Variants in GSK3B observed in about 807,000 individuals in gnomAD.
GSK3B encodes the protein glycogen synthase kinase 3 beta.
GSK3B carries 15 observed loss-of-function variants against 56.4 expected under a neutral mutation model. The observed-to-expected ratio is 0.27, with a 90% confidence interval of 0.18 to 0.41. The LOEUF (loss-of-function observed/expected upper bound fraction) is 0.41. GSK3B is among the 10% of genes least tolerant of loss of function. The probability of loss-of-function intolerance (pLI) is 1.00; values close to 1 mark genes in which losing one functional copy is unlikely to be tolerated. For synonymous variants in GSK3B, 181 were observed against 188.9 expected (o/e 0.96, Z 0.34); for missense variants, 300 against 513.4 (o/e 0.58, Z 4.02).
chr3:119,824,637 T>TA lies in GSK3B; in HGVS notation c.*2150dup. ...ACCTTTAAGGAGTTATGCTGCCAAA[T>TA]ACTTTGATTTCAGACTTCTTTCAAA... On this transcript the variant is annotated 3_prime_UTR_variant, in exon 11 of 11. Transcript: ENST00000264235. The TA allele has an allele frequency of 5.0e-6, 1 of 199,720 alleles. No individual in the cohort carries two copies. The highest frequency in any genetic ancestry group is 1.0e-5 in the Non-Finnish European group (1 of 96,506). 12.4% of individuals were successfully genotyped at this position (199,720 alleles called of 1,614,324 possible).
chr3:119,937,437 G>A (rs2057006629), intron 3 of GSK3B, among the ~76,000 whole-genome samples: 1 of 152,074 alleles, frequency 6.6e-6, no homozygotes, highest in Admixed American at 6.5e-5. Context: ...ACCACAAGTG[G>A]AGGCAGCCTG....
intron 1 of GSK3B, among the ~76,000 whole-genome samples, chr3:120,062,035 T>C (rs1311270893): frequency 6.6e-6 from 1 of 152,146 alleles, no homozygotes; most frequent in East Asian, 1.9e-4. Flanking sequence ...TCCGGCCATA[T>C]ATGAATTTAT....
At chr3:120,088,924 C>T (rs2058488321) in intron 1 of GSK3B, among the ~76,000 whole-genome samples, 1 of 152,232 alleles carries the variant, frequency 6.6e-6, no homozygotes, top group South Asian at 2.1e-4. Flanking sequence ...ATAGGGTCAA[C>T]ATATGCATGT....
chr3:120,061,328 A>T (rs1295226006), intron 1 of GSK3B, among the ~76,000 whole-genome samples: 1 of 152,250 alleles, frequency 6.6e-6, no homozygotes, highest in African/African-American at 2.4e-5. Flanking sequence ...GAATAACGGG[A>T]TTATAATTTA....
chr3:119,862,363 G>A (rs1255571574), intron 9 of GSK3B, among the ~76,000 whole-genome samples: 4 of 115,880 alleles, frequency 3.5e-5, no homozygotes, highest in African/African-American at 1.3e-4. Context: ...ATCACACTCT[G>A]GGGACTGTGG....
chr3:119,990,867 G>A (rs369147753), intron 2 of GSK3B, among the ~76,000 whole-genome samples: 21 of 152,312 alleles, frequency 1.4e-4, no homozygotes, highest in African/African-American at 5.1e-4. Context: ...GGCGGAGGTT[G>A]CAGTGAGACA....
In GSK3B at chr3:120,093,937, C is replaced by A; in HGVS notation, c.-503G>T. The A allele has an allele frequency of 4.7e-6, 1 of 211,398 alleles. No homozygotes were observed. The highest frequency in any genetic ancestry group is 9.6e-6 in the Non-Finnish European group (1 of 103,720). The allele number at this position is 211,398 out of a possible 1,614,324, so 13.1% of individuals were successfully genotyped here. On this transcript the variant is annotated 5_prime_UTR_variant, in exon 1 of 11. Coordinates refer to ENST00000264235, the MANE Select transcript of GSK3B (RefSeq NM_001146156.2). ...GGAGGGAGGGGGTGGCTCGGAGATG[C>A]GACGGGAAACGCTGCAGCTCCGGCA...
intron 10 of GSK3B, among the ~76,000 whole-genome samples, chr3:119,828,869 C>T (rs373570755): frequency 6.6e-6 from 1 of 152,184 alleles, no homozygotes; most frequent in Non-Finnish European, 1.5e-5. Context: ...ATAGCTAAAG[C>T]TGCTTCTAAT....
chr3:120,024,349 T>C (rs2057905798), intron 1 of GSK3B, among the ~76,000 whole-genome samples: 1 of 151,952 alleles, frequency 6.6e-6, no homozygotes, highest in African/African-American at 2.4e-5. Flanking sequence ...CAAGACCCTG[T>C]CTCAAAAAAA....
chr3:120,001,677 G>A (rs1190878099), intron 2 of GSK3B, among the ~76,000 whole-genome samples: 1 of 152,152 alleles, frequency 6.6e-6, no homozygotes, highest in Non-Finnish European at 1.5e-5. Flanking sequence ...AGGAAGCATA[G>A]TCAAATACAT....
At chr3:119,896,032 G>GT (rs895258408) in intron 7 of GSK3B, among the ~76,000 whole-genome samples, 1 of 151,654 alleles carries the variant, frequency 6.6e-6, no homozygotes, top group African/African-American at 2.4e-5. Context: ...GGAGGCTAAG[G>GT]TGGGAGGACA....
intron 1 of GSK3B, among the ~76,000 whole-genome samples, chr3:120,006,848 A>G (rs939217446): frequency 2.6e-5 from 4 of 152,184 alleles, no homozygotes; most frequent in Non-Finnish European, 4.4e-5. Flanking sequence ...ATCACAATTA[A>G]AAGAACTAGA....
intron 1 of GSK3B, among the ~76,000 whole-genome samples, chr3:120,045,098 A>G (rs2058092306): frequency 6.6e-6 from 1 of 152,226 alleles, no homozygotes; most frequent in Admixed American, 6.5e-5. Context: ...TTATAAAAAC[A>G]GCACTTACTA....
intron 1 of GSK3B, among the ~76,000 whole-genome samples, chr3:120,013,065 C>T (rs1021672021): frequency 6.6e-6 from 1 of 152,080 alleles, no homozygotes; most frequent in Non-Finnish European, 1.5e-5. Context: ...TCTCAATCTC[C>T]TAAAAACAGG....
At chr3:120,037,150 CA>C (rs1369401994) in intron 1 of GSK3B, among the ~76,000 whole-genome samples, 3 of 152,040 alleles carry the variant, frequency 2.0e-5, no homozygotes, top group African/African-American at 7.2e-5. Flanking sequence ...TTGAAACAAA[CA>C]AAAAAATTGC....
chr3:119,823,150 GT>G lies in GSK3B; in HGVS notation c.*3637del. On this transcript the variant is annotated 3_prime_UTR_variant, in exon 11 of 11. Transcript: ENST00000264235. ...AAAAATAGTAACCTTTGGTTTGGTA[GT>G]TTTTTCTTCTATTCAAGACATTTTA... The G allele has an allele frequency of 4.3e-6, 1 of 229,900 alleles. No homozygotes were observed. Among genetic ancestry groups the G allele is most frequent in the Non-Finnish European group, 8.6e-6 (1 of 115,968 alleles). The allele number at this position is 229,900 out of a possible 1,614,324, so 14.2% of individuals were successfully genotyped here.
intron 2 of GSK3B, among the ~76,000 whole-genome samples, chr3:119,970,469 G>A (rs1182872888): frequency 2.6e-5 from 4 of 151,894 alleles, no homozygotes; most frequent in Non-Finnish European, 5.9e-5. Flanking sequence ...CTGCTGGTGA[G>A]AATAAAAAAC....
At chr3:120,028,870 G>A in intron 1 of GSK3B, 1 of 462,214 alleles carries the variant, frequency 2.2e-6, no homozygotes. Context: ...CGCAGGTTTG[G>A]CTTCTTCGCA....
intron 5 of GSK3B, among the ~76,000 whole-genome samples, chr3:119,914,351 C>T (rs1299139645): frequency 6.6e-6 from 1 of 152,050 alleles, no homozygotes; most frequent in African/African-American, 2.4e-5. Flanking sequence ...AATGAGCTAT[C>T]AAACAAGCGA....
Sources: allele counts gnomAD v4.1 joint callset (sites outside exome capture counted in the v4.1 genomes callset), GRCh38; gene constraint gnomAD v4.1.1; transcripts MANE v1.5; gene names NCBI Gene and HGNC (gene_info 2026-07-23, HGNC 2026-07-21).